Variants in CELF6 observed in about 807,000 individuals in gnomAD.
CELF6 encodes Bruno -like 6, RNA binding protein.
In CELF6, 32 loss-of-function variants were observed where a neutral mutation model predicts 53.1. The ratio of observed to expected loss-of-function variants is 0.60; its 90% CI spans 0.46 to 0.81. The LOEUF is 0.81. Among genes scored for constraint, CELF6 ranks in the 30% least tolerant of loss-of-function variants. The pLI, the probability that CELF6 is intolerant of heterozygous loss-of-function variation, is 0.00. For missense variants in CELF6, 539 were observed against 669.5 expected (o/e 0.81, Z 2.15); for synonymous variants, 291 against 288.8 (o/e 1.01, Z -0.08).
intron 1 of CELF6, among the ~76,000 whole-genome samples, chr15:72,318,523 T>TC (rs2088389670): frequency 6.6e-6 from 1 of 152,066 alleles, no homozygotes; most frequent in African/African-American, 2.4e-5. Flanking sequence ...TCAAATCATC[T>TC]CCCCTTCTCC....
intron 11 of CELF6, among the ~76,000 whole-genome samples, 177 bp from the exon 12 acceptor site, chr15:72,287,569 G>T (rs968010112): frequency 2.0e-5 from 3 of 152,204 alleles, no homozygotes; most frequent in Non-Finnish European, 4.4e-5. Context: ...CTAAAGGTGT[G>T]ATTCTTGGAA....
intron 2 of CELF6, among the ~76,000 whole-genome samples, 153 bp from the exon 3 acceptor site, chr15:72,304,947 A>T (rs1216780335): frequency 6.6e-6 from 1 of 152,124 alleles, no homozygotes; most frequent in Non-Finnish European, 1.5e-5. Flanking sequence ...GATTTTCTCC[A>T]AGATTCCTTC....
At chr15:72,304,907 G>T in intron 2 of CELF6, 113 bp from the exon 3 acceptor site, 1 of 825,798 alleles carries the variant, frequency 1.2e-6, no homozygotes, top group Admixed American at 2.2e-5. Flanking sequence ...TTTGAACTCT[G>T]CACTCTACCA....
chr15:72,317,659 G>A (rs2088378754), intron 1 of CELF6, among the ~76,000 whole-genome samples: 1 of 152,136 alleles, frequency 6.6e-6, no homozygotes, highest in African/African-American at 2.4e-5. Flanking sequence ...TTGACTTGGA[G>A]ACCCTCTACA....
intron 2 of CELF6, among the ~76,000 whole-genome samples, chr15:72,314,174 C>A (rs1421890649): frequency 6.6e-6 from 1 of 152,198 alleles, no homozygotes; most frequent in East Asian, 1.9e-4. Flanking sequence ...AGCTGTCACC[C>A]CATTAACAGC....
chr15:72,293,458 C>T (rs769474477), intron 3 of CELF6, among the ~76,000 whole-genome samples: 3 of 152,064 alleles, frequency 2.0e-5, no homozygotes, highest in Non-Finnish European at 4.4e-5. Context: ...GGATAAAAAG[C>T]GGACGCTACA....
chr15:72,305,996 TA>T, intron 2 of CELF6: 1 of 784,008 alleles, frequency 1.3e-6, no homozygotes, highest in Non-Finnish European at 1.5e-6. Flanking sequence ...GAAGTGTAGA[TA>T]AAAATCACCC....
At chr15:72,297,997 C>A (rs1391633917) in intron 3 of CELF6, among the ~76,000 whole-genome samples, 6 of 152,192 alleles carry the variant, frequency 3.9e-5, no homozygotes, top group Admixed American at 1.3e-4. Context: ...CAGGTGAAAT[C>A]TATCCAATCT....
intron 2 of CELF6, among the ~76,000 whole-genome samples, chr15:72,307,363 C>T (rs1304037620): frequency 1.3e-5 from 2 of 152,208 alleles, no homozygotes; most frequent in Non-Finnish European, 2.9e-5. Context: ...ATTTCCTGAA[C>T]TCTGTGATGA....
Position 72,289,710 on chromosome 15 carries a change from G to T in CELF6, c.664C>A (p.Arg222=). 1 of 1,482,022 alleles carries T rather than the reference G, an allele frequency of 6.7e-7. No homozygotes were observed. 91.8% of individuals were successfully genotyped at this position (1,482,022 alleles called of 1,614,324 possible). The part of the protein sequence containing the change: ...ADTDRERALR[R]MQQMAGHLGA... ...AGGTGGCCGGCCATCTGCTGCATCC[G>T]CCGCAGCGCGCGCTCCCGGTCGGTG... is the stretch of plus-strand genomic sequence containing the variant. Residue 222 remains arginine (R), a synonymous_variant, in exon 6 of 13, where the codon CGG becomes AGG. Transcript: ENST00000287202. The surrounding 1 kb of genome is among the most constrained non-coding windows in gnomAD (Gnocchi z 7.6).
chr15:72,294,754 G>C (rs1247024786), intron 3 of CELF6, among the ~76,000 whole-genome samples: 2 of 152,024 alleles, frequency 1.3e-5, no homozygotes, highest in Non-Finnish European at 2.9e-5. Flanking sequence ...AACGTGGGTG[G>C]ATCACATGAG....
At chr15:72,305,977 G>T (rs1254761822) in intron 2 of CELF6, among the ~76,000 whole-genome samples, 1 of 151,960 alleles carries the variant, frequency 6.6e-6, no homozygotes, top group East Asian at 1.9e-4. Flanking sequence ...TAATTCAGGG[G>T]TTCCTGAGGA....
Position 72,288,598 on chromosome 15 carries a change from C to A in CELF6, c.1114G>T (p.Ala372Ser), listed in dbSNP as rs1171144366. 9.6e-6 allele frequency: 15 copies of A among 1,569,154 alleles called. No homozygotes were observed. The highest frequency in any genetic ancestry group is 1.2e-5 in the Non-Finnish European group (14 of 1,157,368). Residue 372 changes from alanine to serine, a missense_variant, in exon 10 of 13, where the codon GCC becomes TCC. Physicochemically the swap from Ala to Ser is moderately conservative, Grantham distance 99 (BLOSUM62 1). This residue lies in a region of CELF6 where 358 missense variants were observed against 412.8 expected (regional missense o/e 0.87). Coordinates refer to ENST00000287202, the MANE Select transcript of CELF6 (RefSeq NM_052840.5). The surrounding 1 kb of genome is among the most constrained non-coding windows in gnomAD (Gnocchi z 4.6). The stretch of plus-strand genomic sequence containing the variant: ...TGGGGAAAAGCTGTGCTCACTGGGG[C>A]ATAGGCCGACGGATAGGCTGCTGGA... Reference protein sequence around the residue: ...HYAAAYPSAYAPVSTAFPQQP... With the variant: ...HYAAAYPSAYSPVSTAFPQQP...
intron 3 of CELF6, among the ~76,000 whole-genome samples, chr15:72,299,394 C>G (rs1405620999): frequency 1.4e-5 from 2 of 140,890 alleles, no homozygotes; most frequent in African/African-American, 5.3e-5. Flanking sequence ...GAATCTCGCT[C>G]TGTTGTTCAG....
intron 3 of CELF6, among the ~76,000 whole-genome samples, chr15:72,299,362 C>CT (rs780048239): frequency 0.031 from 4,288 of 138,878 alleles, 137 homozygotes; most frequent in African/African-American, 0.071. Context: ...TTTGTTTTTT[C>CT]TTTTTTTTTT....
chr15:72,310,826 C>G (rs540671667), intron 2 of CELF6, among the ~76,000 whole-genome samples: 1 of 152,164 alleles, frequency 6.6e-6, no homozygotes, highest in South Asian at 2.1e-4. Flanking sequence ...TTACTCTTCT[C>G]TGCTTAAAAT....
At chr15:72,299,557 C>T (rs2088125254) in intron 3 of CELF6, among the ~76,000 whole-genome samples, 2 of 151,918 alleles carry the variant, frequency 1.3e-5, no homozygotes, top group South Asian at 4.1e-4. Flanking sequence ...GACAGGGTTT[C>T]ACTGTGTTGC....
chr15:72,304,873 C>T, intron 2 of CELF6, 79 bp from the exon 3 acceptor site: 2 of 1,322,986 alleles, frequency 1.5e-6, no homozygotes, highest in Non-Finnish European at 2.2e-6. Flanking sequence ...ACCCTGGACT[C>T]CTCAGGATCT....
chr15:72,299,275 T>C (rs1455620685), intron 3 of CELF6, among the ~76,000 whole-genome samples: 1 of 151,260 alleles, frequency 6.6e-6, no homozygotes, highest in African/African-American at 2.4e-5. Flanking sequence ...CAAAAATACA[T>C]GAACCTTGAA....
Sources: gnomAD v4.1 joint callset for allele counts (sites outside exome capture counted in the v4.1 genomes callset) on GRCh38, gnomAD v4.1.1 for gene constraint, gnomAD v4.1.1 regional missense constraint, Gnocchi (gnomAD v3.1) non-coding constraint, MANE v1.5 for transcripts, NCBI Gene and HGNC (gene_info 2026-07-23, HGNC 2026-07-21) for gene names.